Variants in ATP6V1H observed in about 807,000 individuals in gnomAD.
ATP6V1H encodes the protein V-type proton ATPase subunit H.
Under a neutral mutation model 71.7 loss-of-function variants are expected in ATP6V1H, and 39 were observed. The observed-to-expected ratio is 0.54, with a 90% confidence interval of 0.42 to 0.71. The LOEUF is 0.71. ATP6V1H is among the 30% of genes least tolerant of loss of function. The probability of loss-of-function intolerance (pLI) is 0.00; values close to 1 mark genes in which losing one functional copy is unlikely to be tolerated. For missense variants in ATP6V1H, 509 were observed against 594.9 expected (o/e 0.86, Z 1.50); for synonymous variants, 192 against 199.3 (o/e 0.96, Z 0.31).
At chr8:53,735,491 T>C (rs996584806) in intron 13 of ATP6V1H, among the ~76,000 whole-genome samples, 1 of 152,080 alleles carries the variant, frequency 6.6e-6, no homozygotes, top group Admixed American at 6.5e-5. Context: ...TGCCAGGAAA[T>C]TCATTTAAAA....
rs377082156 is a variant in ATP6V1H, at chr8:53,760,683, A to T, written c.1176-4027T>A. ...TGCTGCAGACCCATACAGATTCACA[A>T]CTGGTAACAACCCCACTGACAGAAC... On this transcript the variant is annotated intron_variant, in intron 11 of 13. Transcript: ENST00000359530. Among the ~76,000 whole-genome samples, 9 of 152,218 alleles carry T rather than the reference A, an allele frequency of 5.9e-5. No homozygotes were observed. The East Asian group carries it at 9.7e-4, about 16-fold the overall frequency.
rs13263467 is a variant in ATP6V1H, at chr8:53,737,883, G to A, written c.1391+5694C>T. ...GGCTGATACTCTTCCTCCTCTTTTT[G>A]GTCAATTCCTCAGGTTTTTACTACT... On this transcript the variant is annotated intron_variant, in intron 13 of 13. Coordinates refer to ENST00000359530, the MANE Select transcript of ATP6V1H (RefSeq NM_015941.4). 2.6e-3 allele frequency among the ~76,000 whole-genome samples: 401 copies of A among 152,036 alleles called. 1 individual carries two copies. The highest frequency in any genetic ancestry group is 0.014 in the Middle Eastern group (4 of 294).
At chr8:53,733,390 T>C (rs1340196207) in intron 13 of ATP6V1H, among the ~76,000 whole-genome samples, 1 of 152,200 alleles carries the variant, frequency 6.6e-6, no homozygotes, top group East Asian at 1.9e-4. Flanking sequence ...GCTCAAGACC[T>C]GCAAAAGTTT....
intron 4 of ATP6V1H, among the ~76,000 whole-genome samples, chr8:53,828,052 T>C (rs569266463): frequency 6.6e-6 from 1 of 152,336 alleles, no homozygotes; most frequent in South Asian, 2.1e-4. Context: ...CTAATGTGAA[T>C]GGCGCTGCAA....
intron 9 of ATP6V1H, among the ~76,000 whole-genome samples, chr8:53,792,675 C>G (rs1585794028): frequency 6.6e-6 from 1 of 152,300 alleles, no homozygotes; most frequent in East Asian, 1.9e-4. Context: ...CAGTGAAATT[C>G]CAATCTTTTC....
chr8:53,822,883 G>C (rs1810705413), intron 4 of ATP6V1H, among the ~76,000 whole-genome samples: 1 of 152,116 alleles, frequency 6.6e-6, no homozygotes, highest in Admixed American at 6.6e-5. Flanking sequence ...AATGTATTAA[G>C]TATGATAAAA....
intron 11 of ATP6V1H, among the ~76,000 whole-genome samples, chr8:53,763,471 T>A (rs1470865611): frequency 6.6e-6 from 1 of 152,212 alleles, no homozygotes; most frequent in Non-Finnish European, 1.5e-5. Context: ...CATCCCAGGT[T>A]CATGGATCTG....
intron 3 of ATP6V1H, chr8:53,831,939 T>C (rs1811021165): frequency 6.6e-6 from 1 of 151,890 alleles, no homozygotes; most frequent in Non-Finnish European, 1.5e-5. Context: ...GATTACTAAC[T>C]GTTCGCCTCA....
At chr8:53,746,958 A>C (rs1228627258) in intron 12 of ATP6V1H, among the ~76,000 whole-genome samples, 1 of 152,228 alleles carries the variant, frequency 6.6e-6, no homozygotes, top group Non-Finnish European at 1.5e-5. Context: ...AGCTTTAAGA[A>C]CTTGGAATAT....
At chr8:53,758,028 A>T (rs1808135549) in intron 11 of ATP6V1H, among the ~76,000 whole-genome samples, 1 of 152,218 alleles carries the variant, frequency 6.6e-6, no homozygotes, top group South Asian at 2.1e-4. Context: ...TCTGAGATTG[A>T]AGAGCAGTGA....
chr8:53,775,716 G>C lies in ATP6V1H; in HGVS notation c.871-3549C>G, dbSNP rs571476380. Among the ~76,000 whole-genome samples, 286 of 152,078 alleles carry C rather than the reference G, an allele frequency of 1.9e-3. 2 individuals are homozygous for C. Among genetic ancestry groups the C allele is most frequent in the African/African-American group, 6.7e-3 (278 of 41,408 alleles). On this transcript the variant is annotated intron_variant, in intron 9 of 13. Coordinates refer to ENST00000359530, the MANE Select transcript of ATP6V1H (RefSeq NM_015941.4). ...CCAGAGCAGCTAGATACAGAGTGTC[G>C]ATTGGTGCACTCACAAACCTTGAGC...
At chr8:53,816,915 T>G (rs1330660116) in intron 5 of ATP6V1H, among the ~76,000 whole-genome samples, 1 of 152,230 alleles carries the variant, frequency 6.6e-6, no homozygotes, top group Non-Finnish European at 1.5e-5. Context: ...AAAATGTAGT[T>G]AACCCCACTA....
chr8:53,721,860 T>G (rs991524717), intron 13 of ATP6V1H, among the ~76,000 whole-genome samples: 3 of 152,178 alleles, frequency 2.0e-5, no homozygotes, highest in African/African-American at 7.2e-5. Context: ...GCATCTGAAT[T>G]CAAAGACTAA....
At chr8:53,824,392 T>C (rs1489701752) in intron 4 of ATP6V1H, among the ~76,000 whole-genome samples, 1 of 152,160 alleles carries the variant, frequency 6.6e-6, no homozygotes, top group African/African-American at 2.4e-5. Flanking sequence ...ATAATGCTGA[T>C]ACCTAAACCA....
At chr8:53,770,920 T>C (rs1020523683) in intron 10 of ATP6V1H, among the ~76,000 whole-genome samples, 2 of 152,216 alleles carry the variant, frequency 1.3e-5, no homozygotes, top group African/African-American at 4.8e-5. Context: ...TTTGAAATAT[T>C]TGAAAATCTA....
Position 53,795,642 on chromosome 8 carries a change from C to T in ATP6V1H, c.870+5G>A. 6.2e-7 allele frequency: 1 copy of T among 1,612,110 alleles called. No individual in the cohort carries two copies. Among genetic ancestry groups the T allele is most frequent in the Non-Finnish European group, 8.5e-7 (1 of 1,179,422 alleles). On this transcript the variant is annotated splice_donor_5th_base_variant and intron_variant, in intron 9 of 13. Coordinates refer to ENST00000359530, the MANE Select transcript of ATP6V1H (RefSeq NM_015941.4). Reference sequence around the variant, plus strand: ...CATACACACAAACCAACATAAAACACTTACACGAAATGCTGCAAGAATGAT... The same window carrying T: ...CATACACACAAACCAACATAAAACATTTACACGAAATGCTGCAAGAATGAT...
chr8:53,799,153 A>C (rs1015767585), intron 8 of ATP6V1H, among the ~76,000 whole-genome samples: 2 of 152,132 alleles, frequency 1.3e-5, no homozygotes, highest in East Asian at 3.9e-4. Flanking sequence ...CCTAATTGTA[A>C]GATAAAATGA....
chr8:53,816,947 C>T (rs1810472843), intron 5 of ATP6V1H, among the ~76,000 whole-genome samples: 1 of 152,162 alleles, frequency 6.6e-6, no homozygotes, highest in Non-Finnish European at 1.5e-5. Context: ...GAGCTGTTTA[C>T]ATGTGAGAAT....
intron 13 of ATP6V1H, among the ~76,000 whole-genome samples, chr8:53,731,874 G>A (rs1807038357): frequency 6.6e-6 from 1 of 152,274 alleles, no homozygotes; most frequent in Non-Finnish European, 1.5e-5. Flanking sequence ...GATCCTGAGA[G>A]CGCTCCGGGG....
Sources: allele counts gnomAD v4.1 joint callset (sites outside exome capture counted in the v4.1 genomes callset), GRCh38; gene constraint gnomAD v4.1.1; transcripts MANE v1.5; gene names NCBI Gene and HGNC (gene_info 2026-07-23, HGNC 2026-07-21).